The following ATF6B variants were observed in gnomAD, a reference collection of about 807,000 sequenced individuals.
ATF6B encodes the protein activating transcription factor 6 beta.
ATF6B carries 50 observed loss-of-function variants against 83.5 expected under a neutral mutation model. The observed-to-expected ratio is 0.60, with a 90% CI of 0.48 to 0.76. The LOEUF is 0.76. Among genes scored for constraint, ATF6B ranks in the 30% least tolerant of loss-of-function variants. The pLI, the probability that ATF6B is intolerant of heterozygous loss-of-function variation, is 0.00. For missense variants in ATF6B, 790 were observed against 893.8 expected (o/e 0.88, Z 1.48); for synonymous variants, 344 against 362.8 (o/e 0.95, Z 0.59).
chr6:32,126,382 G>A (rs1366797743), intron 4 of ATF6B, 130 bp from the exon 5 acceptor site: 1 of 1,127,502 alleles, frequency 8.9e-7, no homozygotes. Context: ...TTGACATTCT[G>A]GTCTGAATGG....
At chr6:32,127,024 C>A in intron 4 of ATF6B, 79 bp downstream of exon 4, 6 of 1,265,824 alleles carry the variant, frequency 4.7e-6, no homozygotes, top group Non-Finnish European at 5.3e-6. Context: ...TCATTTAAAT[C>A]ATTTCTTTGT....
rs368983756 is a variant in ATF6B at position 32,116,522 on chromosome 6, G to A, written c.1840C>T (p.Arg614Trp). 21 of 1,605,040 alleles carry A rather than the reference G, an allele frequency of 1.3e-5. No individual in the cohort carries two copies. Among genetic ancestry groups the A allele is most frequent in the Non-Finnish European group, 1.8e-5 (21 of 1,175,176 alleles). Residue 614 changes from arginine (R) to tryptophan (W), a missense_variant, in exon 17 of 18, where the codon CGG becomes TGG. This residue lies in a region of ATF6B where 530 missense variants were observed against 632.6 expected (regional missense o/e 0.84). Transcript: ENST00000375203. This position sits in a 1 kb window ranked among gnomAD's most constrained non-coding sequence, Gnocchi z 5.1. ...GGCATCACCAGGGACATCTTGGGCCGGGAGGTCTTGTTGTGGCTGATGGCT... is the reference window on the plus strand; with the variant it reads ...GGCATCACCAGGGACATCTTGGGCCAGGAGGTCTTGTTGTGGCTGATGGCT... ...LPAISHNKTS[R>W]PKMSLVMPAM...
chr6:32,121,150 T>C, intron 6 of ATF6B, 26 bp from the exon 7 acceptor site: 1 of 1,604,984 alleles, frequency 6.2e-7, no homozygotes, highest in Non-Finnish European at 8.5e-7. Flanking sequence ...CAGAGATACA[T>C]TAGTCAGGAA....
chr6:32,127,384 A>C (rs1782027209), intron 3 of ATF6B, 58 bp downstream of exon 3: 4 of 1,553,732 alleles, frequency 2.6e-6, no homozygotes, highest in African/African-American at 1.4e-5. Context: ...AGTTTCTGGG[A>C]AACAGTGGGA....
chr6:32,128,212 C>CCCCCCCCCCCCCCCCCCCCCAGACCACTG lies in ATF6B; in HGVS notation c.-6_-5insCAGTGGTCTGGGGGGGGGGGGGGGGGGGG. On this transcript the variant is annotated 5_prime_UTR_variant, in exon 1 of 18. Transcript: ENST00000375203. ...GAGCAGCATCAGCTCCGCCATCTTT[C>CCCCCCCCCCCCCCCCCCCCCAGACCACTG]CCCCCCACCCCCCAACCAGGAGACG... is the stretch of plus-strand genomic sequence containing the variant. 8.2e-7 allele frequency: 1 copy of CCCCCCCCCCCCCCCCCCCCCAGACCACTG among 1,213,754 alleles called. No individual in the cohort carries two copies. 75.2% of individuals were successfully genotyped at this position (1,213,754 alleles called of 1,614,324 possible).
chr6:32,117,045 G>A lies in ATF6B; in HGVS notation c.1677C>T (p.Pro559=). The A allele has an allele frequency of 6.2e-7, 1 of 1,614,048 alleles. No individual in the cohort carries two copies. The highest frequency in any genetic ancestry group is 8.5e-7 in the Non-Finnish European group (1 of 1,179,954). Reference sequence around the variant, plus strand: ...CCCCACCCCACACTCACCTTTCTGGGGGTCCAGGGGGTTGGATGGGGACTG... The same window carrying A: ...CCCCACCCCACACTCACCTTTCTGGAGGTCCAGGGGGTTGGATGGGGACTG... ...VKAVPIQPPG[P]PERDSVGQLQ... Residue 559 remains proline, a synonymous_variant, in exon 15 of 18, where the codon CCC becomes CCT. Transcript: ENST00000375203. This position sits in a 1 kb window ranked among gnomAD's most constrained non-coding sequence, Gnocchi z 5.0.
chr6:32,121,461 G>C, intron 5 of ATF6B, 113 bp from the exon 6 acceptor site: 1 of 1,020,908 alleles, frequency 9.8e-7, no homozygotes, highest in African/African-American at 1.6e-5. Flanking sequence ...TCAGCACTTT[G>C]GGAGGCCAAG....
Position 32,115,703 on chromosome 6 carries a change from C to G in ATF6B, c.*36G>C, listed in dbSNP as rs755299783. 6.6e-7 allele frequency: 1 copy of G among 1,522,506 alleles called. No homozygotes were observed. Among genetic ancestry groups the G allele is most frequent in the Non-Finnish European group, 8.9e-7 (1 of 1,126,222 alleles). The allele number at this position is 1,522,506 out of a possible 1,614,324, so 94.3% of individuals were successfully genotyped here. On this transcript the variant is annotated 3_prime_UTR_variant, in exon 18 of 18. Transcript: ENST00000375203. Reference sequence around the variant, plus strand: ...AGTCCCACCTGGCCACCTGGTACCCCCTCCCCCCGTTCTAAGTCAGTGTGA... The same window carrying G: ...AGTCCCACCTGGCCACCTGGTACCCGCTCCCCCCGTTCTAAGTCAGTGTGA...
chr6:32,115,790 G>A lies in ATF6B; in HGVS notation c.2061C>T (p.Ala687=), dbSNP rs753149998. ...ATGGPLPVSA[A]SQAHQASHQP... ...GGTGGGAGGCCTGGTGGGCCTGGCT[G>A]GCTGCAGAGACTGGCAAGGGGCCAC... The change falls in exon 18 of 18, where the codon GCC becomes GCT. Residue 687 remains alanine (A), a synonymous_variant. Coordinates refer to ENST00000375203, the MANE Select transcript of ATF6B (RefSeq NM_004381.5). 8.7e-6 allele frequency: 14 copies of A among 1,612,982 alleles called. No homozygotes were observed. The highest frequency in any genetic ancestry group is 1.0e-5 in the Non-Finnish European group (12 of 1,179,416).
chr6:32,119,761 A>G lies in ATF6B; in HGVS notation c.966+63T>C. 1 of 1,587,878 alleles carries G rather than the reference A, an allele frequency of 6.3e-7. No individual in the cohort carries two copies. Among genetic ancestry groups the G allele is most frequent in the Non-Finnish European group, 8.6e-7 (1 of 1,164,676 alleles). On this transcript the variant is annotated intron_variant, in intron 9 of 17. Coordinates refer to ENST00000375203, the MANE Select transcript of ATF6B (RefSeq NM_004381.5). The surrounding 1 kb of genome is among the most constrained non-coding windows in gnomAD (Gnocchi z 4.9). ...CCCTCCTCATCCCACAGTTCTCTCTATGGCAAGACTTCCCTCTTCCCTTCC... is the reference window on the plus strand; with the variant it reads ...CCCTCCTCATCCCACAGTTCTCTCTGTGGCAAGACTTCCCTCTTCCCTTCC...
Position 32,121,289 on chromosome 6 carries a change from G to T in ATF6B, c.538C>A (p.Leu180Met). 2 of 1,614,144 alleles carry T rather than the reference G, an allele frequency of 1.2e-6. No individual in the cohort carries two copies. Among genetic ancestry groups the T allele is most frequent in the Non-Finnish European group, 1.7e-6 (2 of 1,180,024 alleles). Residue 180 changes from leucine to methionine, a missense_variant, in exon 6 of 18, where the codon CTG (leucine) becomes ATG (methionine). Around this residue, in one of 3 missense-constraint regions of ATF6B, gnomAD observed 253 missense variants for 243.1 expected, o/e 1.04. Coordinates refer to ENST00000375203, the MANE Select transcript of ATF6B (RefSeq NM_004381.5). ...PCSSVNSEAS[L>M]LSADSSSQAF... ...TGGCTGGAGGAGTCGGCTGAGAGCA[G>T]GGAGGCCTCAGAGTTGACGGAAGAA...
At position 32,122,664 on chromosome 6, in the gene ATF6B, C is replaced by T. The variant is rs542835129; in HGVS notation, c.479-1316G>A. ...GAGATCGAGACCATCCTGGCTAACA[C>T]GGTGAAACCCCGTCTCTACTAAAAA... On this transcript the variant is annotated intron_variant, in intron 5 of 17. Transcript: ENST00000375203. Among the ~76,000 whole-genome samples the T allele has an allele frequency of 2.9e-3, 437 of 149,790 alleles. 1 individual carries two copies. Among genetic ancestry groups the T allele is most frequent in the African/African-American group, 0.01 (408 of 40,760 alleles).
intron 2 of ATF6B, 69 bp from the exon 3 acceptor site, chr6:32,127,589 G>A: frequency 4.3e-6 from 7 of 1,609,260 alleles, no homozygotes; most frequent in Non-Finnish European, 6.0e-6. Flanking sequence ...GACTCCAGAT[G>A]AGTTATGGCC....
At position 32,121,117 on chromosome 6, in the gene ATF6B, A is replaced by G; in HGVS notation, c.572T>C (p.Ile191Thr). The change falls in exon 7 of 18, where the codon ATA (isoleucine) becomes ACA (threonine). Residue 191 changes from isoleucine to threonine, a missense_variant. Coordinates refer to ENST00000375203, the MANE Select transcript of ATF6B (RefSeq NM_004381.5). ...CTTCACTTCCAGGACCTCCTCTCCT[A>G]TAAAAGCCTATGTGGGGCATTCCAG... ...LSADSSSQAFIGEEVLEVKTE... is the reference protein window; with the variant it reads ...LSADSSSQAFTGEEVLEVKTE... The G allele has an allele frequency of 6.3e-7, 1 of 1,581,634 alleles. No individual in the cohort carries two copies. Among genetic ancestry groups the G allele is most frequent in the Non-Finnish European group, 8.6e-7 (1 of 1,164,718 alleles).
chr6:32,124,674 C>T (rs143900991), intron 5 of ATF6B, among the ~76,000 whole-genome samples: 1 of 152,206 alleles, frequency 6.6e-6, no homozygotes. Flanking sequence ...CTTACATCCA[C>T]TCTGAAGAAA....
intron 8 of ATF6B, 71 bp downstream of exon 8, chr6:32,120,700 C>T (rs1439226335): frequency 1.9e-6 from 3 of 1,551,836 alleles, no homozygotes; most frequent in Non-Finnish European, 2.6e-6. Flanking sequence ...ATTCGCCCGC[C>T]TCAGCCTCCC....
chr6:32,117,864 A>C lies in ATF6B; in HGVS notation c.1419T>G (p.Ser473Arg), dbSNP rs769579944. The C allele has an allele frequency of 6.4e-7, 1 of 1,564,068 alleles. No homozygotes were observed. The highest frequency in any genetic ancestry group is 2.2e-5 in the East Asian group (1 of 44,584). ...CCCTCTCTCTCTCTCCTCACCTGAA[A>C]CTGGGCTGGTCTGTGGGGCTGGGCT... ...EPQPSPTDQP[S>R]FSNLTAFPGG... Residue 473 changes from serine (S) to arginine (R), a missense_variant, in exon 12 of 18, where the codon AGT (serine) becomes AGG (arginine). Physicochemically the swap from Ser to Arg is moderately radical, Grantham distance 110. Around this residue, in one of 3 missense-constraint regions of ATF6B, gnomAD observed 530 missense variants for 632.6 expected, o/e 0.84. Transcript: ENST00000375203. This position sits in a 1 kb window ranked among gnomAD's most constrained non-coding sequence, Gnocchi z 5.0.
rs1471493190 is a variant in ATF6B, at chr6:32,119,878, C to T, written c.912G>A (p.Arg304=). 4 of 1,614,060 alleles carry T rather than the reference C, an allele frequency of 2.5e-6. No homozygotes were observed. In the Admixed American group the frequency reaches 5.0e-5, roughly 20 times the overall value. ...GCATAGGAGCGGGAACGATGCTCTT[C>T]CTCTCAGGCCGTGGTAGAGAGGGAG... ...GPAPSLPRPE[R]KSIVPAPMPG... Residue 304 remains arginine (R), a synonymous_variant, in exon 9 of 18, where the codon AGG becomes AGA. Transcript: ENST00000375203. This position sits in a 1 kb window ranked among gnomAD's most constrained non-coding sequence, Gnocchi z 4.9.
rs1289264795 is a variant in ATF6B at position 32,125,178 on chromosome 6, A to C, written c.478+939T>G. Among the ~76,000 whole-genome samples, 1 of 152,202 alleles carries C rather than the reference A, an allele frequency of 6.6e-6. No individual in the cohort carries two copies. Among genetic ancestry groups the C allele is most frequent in the African/African-American group, 2.4e-5 (1 of 41,448 alleles). ...AATGACCACACCTGTATTGACTGGT[A>C]CTTGTCTTTCTCCCATTACCAAATC... On this transcript the variant is annotated intron_variant, in intron 5 of 17. Transcript: ENST00000375203. This position sits in a 1 kb window ranked among gnomAD's most constrained non-coding sequence, Gnocchi z 4.1.
Sources: gnomAD v4.1 joint callset for allele counts (sites outside exome capture counted in the v4.1 genomes callset) on GRCh38, gnomAD v4.1.1 for gene constraint, gnomAD v4.1.1 regional missense constraint, Gnocchi (gnomAD v3.1) non-coding constraint, MANE v1.5 for transcripts, NCBI Gene and HGNC (gene_info 2026-07-23, HGNC 2026-07-21) for gene names.